AFF2: variants seen among roughly 807,000 people sequenced by gnomAD.
AFF2 encodes ALF transcription elongation factor 2.
Under a neutral mutation model 76.9 loss-of-function variants are expected in AFF2, and 14 were observed. That is an observed-to-expected ratio of 0.18 (90% CI 0.12 to 0.28). AFF2 has a LOEUF of 0.28. AFF2 is among the 10% of genes least tolerant of loss of function. The pLI, the probability that AFF2 is intolerant of heterozygous loss-of-function variation, is 1.00. For missense variants in AFF2, 868 were observed against 1,001.1 expected (o/e 0.87, Z 1.79); for synonymous variants, 398 against 366.7 (o/e 1.09, Z -0.98).
chrX:148,754,349 T>C (rs1557266716), intron 3 of AFF2, among the ~76,000 whole-genome samples: 1 of 111,289 alleles, frequency 9.0e-6, no homozygotes, highest in African/African-American at 3.3e-5. Flanking sequence ...TAAGAAACTT[T>C]GGAGGATTGA....
chrX:148,640,734 T>G (rs782359631), intron 1 of AFF2, among the ~76,000 whole-genome samples: 1 of 112,449 alleles, frequency 8.9e-6, no homozygotes, highest in African/African-American at 3.2e-5. Context: ...TTCCTGTCAC[T>G]GCGTATCTCA....
intron 15 of AFF2, among the ~76,000 whole-genome samples, chrX:148,967,969 C>T (rs1557289037): frequency 9.0e-6 from 1 of 111,724 alleles, no homozygotes; most frequent in African/African-American, 3.3e-5. Flanking sequence ...CTGTCATTAC[C>T]TTTCAAGTGA....
chrX:148,859,121 C>T (rs184964950), intron 7 of AFF2, among the ~76,000 whole-genome samples: 127 of 105,454 alleles, frequency 1.2e-3, no homozygotes, highest in Non-Finnish European at 2.1e-3. Flanking sequence ...AACAGCATTA[C>T]ATTGATTCAA....
rs1028140128 is a variant in AFF2, at chrX:148,757,486, A to G, written c.1042-52390A>G. Reference sequence around the variant, plus strand: ...ACCGTATATACATATTAATTAGAAAATTATAAAGAGTACTATACCATGCTA... The same window carrying G: ...ACCGTATATACATATTAATTAGAAAGTTATAAAGAGTACTATACCATGCTA... On this transcript the variant is annotated intron_variant, in intron 3 of 20. Transcript: ENST00000370460. Among the ~76,000 whole-genome samples, 6 of 111,710 alleles carry G rather than the reference A, an allele frequency of 5.4e-5. No homozygotes were observed. The Admixed American group carries it at 5.7e-4, about 11-fold the overall frequency.
At chrX:148,890,536 C>T (rs782001940) in intron 8 of AFF2, among the ~76,000 whole-genome samples, 14 of 112,313 alleles carry the variant, frequency 1.2e-4, no homozygotes, top group African/African-American at 4.5e-4. Flanking sequence ...CATGTCTTAA[C>T]TGGCCCCCAA....
chrX:148,884,903 GC>G (rs1204218283), intron 7 of AFF2, among the ~76,000 whole-genome samples: 1 of 112,056 alleles, frequency 8.9e-6, no homozygotes, highest in Non-Finnish European at 1.9e-5. Flanking sequence ...GAGATTTCTA[GC>G]CCTGGAGCTG....
chrX:148,861,287 A>G (rs886458976), intron 7 of AFF2, among the ~76,000 whole-genome samples: 1 of 112,299 alleles, frequency 8.9e-6, no homozygotes, highest in South Asian at 3.7e-4. Flanking sequence ...GGCAAATAAA[A>G]TCAGAGGAAA....
At chrX:148,750,400 A>G (rs782498819) in intron 3 of AFF2, among the ~76,000 whole-genome samples, 33 of 111,250 alleles carry the variant, frequency 3.0e-4, no homozygotes, top group Non-Finnish European at 5.8e-4. Context: ...GACTCTTGAC[A>G]TTGTATTTTC....
At chrX:148,757,895 GT>G (rs2069393730) in intron 3 of AFF2, among the ~76,000 whole-genome samples, 1 of 112,146 alleles carries the variant, frequency 8.9e-6, no homozygotes, top group South Asian at 3.6e-4. Flanking sequence ...AAAAACAAAA[GT>G]TCGTTCTCAT....
chrX:148,661,960 A>G lies in AFF2; in HGVS notation c.233A>G (p.Tyr78Cys), dbSNP rs374628192. The G allele has an allele frequency of 9.1e-6, 11 of 1,206,601 alleles. No individual in the cohort carries two copies. Among genetic ancestry groups the G allele is most frequent in the Non-Finnish European group, 1.2e-5 (11 of 892,379 alleles). The part of the protein sequence containing the change: ...ANRVQNTLGN[Y>C]DEMKNLLTNH... ...CGAGTCCAGAACACGCTTGGAAACT[A>G]TGATGAAATGAAGAATTTGCTAACT... The change falls in exon 3 of 21, where the codon TAT becomes TGT. Residue 78 changes from tyrosine (Y) to cysteine (C), a missense_variant. By Grantham distance (194) the Tyr-to-Cys change is radical. Around this residue, in one of 6 missense-constraint regions of AFF2, gnomAD observed 196 missense variants for 194.8 expected, o/e 1.01. Coordinates refer to ENST00000370460, the MANE Select transcript of AFF2 (RefSeq NM_002025.4).
chrX:148,621,346 A>G (rs782702953), intron 1 of AFF2, among the ~76,000 whole-genome samples: 3 of 111,415 alleles, frequency 2.7e-5, no homozygotes, highest in South Asian at 3.7e-4. Flanking sequence ...TGGATGACTT[A>G]TTGAAGTTCC....
chrX:148,833,896 G>T (rs782518142), intron 4 of AFF2, among the ~76,000 whole-genome samples: 2 of 112,090 alleles, frequency 1.8e-5, no homozygotes, highest in Non-Finnish European at 3.8e-5. Context: ...CTGTGTGTTA[G>T]ATGAGTACAG....
intron 7 of AFF2, among the ~76,000 whole-genome samples, chrX:148,876,327 G>A (rs1209516877): frequency 1.8e-5 from 2 of 112,261 alleles, no homozygotes; most frequent in Non-Finnish European, 1.9e-5. Flanking sequence ...TCTGACTGCA[G>A]TGCAAGCTCT....
At chrX:148,897,389 T>C (rs1290293475) in intron 8 of AFF2, among the ~76,000 whole-genome samples, 1 of 99,441 alleles carries the variant, frequency 1.0e-5, no homozygotes, top group African/African-American at 3.6e-5. Flanking sequence ...TATTAAAATA[T>C]AGAATACCAG....
chrX:148,506,083 G>A (rs781997014), intron 1 of AFF2, among the ~76,000 whole-genome samples: 2 of 110,437 alleles, frequency 1.8e-5, no homozygotes, highest in South Asian at 7.7e-4. Context: ...ACTCAATTTC[G>A]TTTAATCCTT....
chrX:148,907,826 G>A (rs1345689661), intron 9 of AFF2, among the ~76,000 whole-genome samples: 2 of 110,938 alleles, frequency 1.8e-5, no homozygotes, highest in Admixed American at 1.9e-4. Context: ...AATTTATTAG[G>A]CGGGAATTTC....
intron 7 of AFF2, among the ~76,000 whole-genome samples, chrX:148,849,316 A>G (rs1322813260): frequency 1.3e-4 from 12 of 94,088 alleles, no homozygotes; most frequent in Non-Finnish European, 2.2e-4. Context: ...TGTATCTCAG[A>G]TGGCTTTTGA....
At chrX:148,673,033 A>G (rs782358983) in intron 3 of AFF2, among the ~76,000 whole-genome samples, 1 of 112,121 alleles carries the variant, frequency 8.9e-6, no homozygotes, top group South Asian at 3.8e-4. Flanking sequence ...AGGATCATCA[A>G]ATTGCAAAAG....
At chrX:148,851,516 A>G (rs1557275327) in intron 7 of AFF2, among the ~76,000 whole-genome samples, 1 of 111,536 alleles carries the variant, frequency 9.0e-6, no homozygotes, top group African/African-American at 3.3e-5. Context: ...GTACAACCCC[A>G]TAGTATACTG....
Sources: gnomAD v4.1 joint callset for allele counts (sites outside exome capture counted in the v4.1 genomes callset) on GRCh38, gnomAD v4.1.1 for gene constraint, gnomAD v4.1.1 regional missense constraint, MANE v1.5 for transcripts, NCBI Gene and HGNC (gene_info 2026-07-23, HGNC 2026-07-21) for gene names.